Variants in IQSEC1 observed in about 807,000 individuals in gnomAD.
The protein encoded by IQSEC1 is IQ motif and SEC7 domain-containing protein 1.
A neutral mutation model predicts 91.0 loss-of-function variants in IQSEC1; 31 were observed. That is an observed-to-expected ratio of 0.34 (90% CI 0.26 to 0.46). IQSEC1 has a LOEUF of 0.46. Among genes scored for constraint, IQSEC1 ranks in the 20% least tolerant of loss-of-function variants. The pLI is 1.00. For missense variants in IQSEC1, 1,388 were observed against 1,575.6 expected, an observed-to-expected ratio of 0.88 and a Z score of 2.02; for synonymous variants, 699 against 662.6, an observed-to-expected ratio of 1.05 and a Z score of -0.84.
At chr3:13,053,238 C>T in intron 1 of IQSEC1, 1 of 603,522 alleles carries the variant, frequency 1.7e-6, no homozygotes, top group Non-Finnish European at 3.0e-6. Context: ...CTTCCATGAG[C>T]TTCTCTGCCA....
intron 2 of IQSEC1, among the ~76,000 whole-genome samples, chr3:13,163,495 T>C (rs1207512802): frequency 6.9e-6 from 1 of 144,808 alleles, no homozygotes; most frequent in Non-Finnish European, 1.5e-5. Flanking sequence ...TGAGAACTGC[T>C]GGGCCTCAGG....
intron 1 of IQSEC1, chr3:13,053,048 C>T (rs530352340): frequency 9.5e-5 from 106 of 1,109,972 alleles, no homozygotes; most frequent in African/African-American, 8.4e-4. Flanking sequence ...TCCGAATCCA[C>T]GGGGGAATGG....
intron 2 of IQSEC1, among the ~76,000 whole-genome samples, chr3:13,152,019 A>C (rs1046465257): frequency 1.3e-5 from 2 of 152,220 alleles, no homozygotes; most frequent in African/African-American, 2.4e-5. Context: ...AGAGAGTTCT[A>C]TTCCTCATAA....
At chr3:13,018,108 G>A (rs558011013) in intron 1 of IQSEC1, among the ~76,000 whole-genome samples, 68 of 152,338 alleles carry the variant, frequency 4.5e-4, no homozygotes, top group African/African-American at 1.5e-3. Context: ...AGCGAGCACC[G>A]CAGGAAGGAT....
At chr3:13,227,609 G>C (rs1241597005) in intron 1 of IQSEC1, among the ~76,000 whole-genome samples, 5 of 152,044 alleles carry the variant, frequency 3.3e-5, no homozygotes, top group Non-Finnish European at 7.4e-5. Context: ...CTGAGCAGAG[G>C]AGGGACCAGG....
At chr3:13,253,438 T>C (rs2125119568) in intron 1 of IQSEC1, among the ~76,000 whole-genome samples, 1 of 152,298 alleles carries the variant, frequency 6.6e-6, no homozygotes, top group South Asian at 2.1e-4. Context: ...ATGGCGGGTA[T>C]TGAGTGGTGC....
chr3:12,986,798 A>C (rs1281313585), intron 1 of IQSEC1, among the ~76,000 whole-genome samples: 10 of 152,210 alleles, frequency 6.6e-5, no homozygotes, highest in African/African-American at 2.4e-4. Context: ...ATGTGAGCTC[A>C]TGTGTGCTCC....
chr3:13,260,138 A>T (rs1695356925), intron 1 of IQSEC1, among the ~76,000 whole-genome samples: 1 of 152,194 alleles, frequency 6.6e-6, no homozygotes, highest in African/African-American at 2.4e-5. Context: ...AAAGAGAGTG[A>T]GGGAGACAGA....
At chr3:12,925,893 C>T (rs1279823325) in intron 3 of IQSEC1, among the ~76,000 whole-genome samples, 1 of 152,240 alleles carries the variant, frequency 6.6e-6, no homozygotes, top group African/African-American at 2.4e-5. Context: ...GGCCCTGCCC[C>T]GCTGTGGCAC....
chr3:13,051,689 C>T (rs1019948600), intron 1 of IQSEC1, among the ~76,000 whole-genome samples: 1 of 152,202 alleles, frequency 6.6e-6, no homozygotes, highest in Non-Finnish European at 1.5e-5. Flanking sequence ...AACAGAAGCT[C>T]AGGCCTCAGG....
At chr3:13,024,812 G>T (rs1040030874) in intron 1 of IQSEC1, among the ~76,000 whole-genome samples, 1 of 152,034 alleles carries the variant, frequency 6.6e-6, no homozygotes, top group African/African-American at 2.4e-5. Flanking sequence ...CATCCTCGGG[G>T]GCTCATCCTT....
intron 3 of IQSEC1, among the ~76,000 whole-genome samples, chr3:12,933,998 C>T (rs1407523366): frequency 6.6e-6 from 1 of 152,212 alleles, no homozygotes; most frequent in African/African-American, 2.4e-5. Flanking sequence ...CCTGGTTATC[C>T]CAGCCTCCCC....
At chr3:13,112,678 C>T (rs2124869076) in intron 2 of IQSEC1, among the ~76,000 whole-genome samples, 1 of 152,368 alleles carries the variant, frequency 6.6e-6, no homozygotes, top group Non-Finnish European at 1.5e-5. Flanking sequence ...AGAGTGTGGG[C>T]TGCAGGGCCA....
intron 1 of IQSEC1, among the ~76,000 whole-genome samples, chr3:13,196,757 T>C (rs1231951526): frequency 2.9e-5 from 1 of 33,910 alleles, no homozygotes; most frequent in South Asian, 6.9e-4. Flanking sequence ...TGCGTGTGTG[T>C]GTGTGTGTGT....
At chr3:13,031,819 G>C (rs1703852071) in intron 1 of IQSEC1, among the ~76,000 whole-genome samples, 1 of 152,170 alleles carries the variant, frequency 6.6e-6, no homozygotes, top group East Asian at 1.9e-4. Context: ...GACAGGGAGG[G>C]CCTCTTTAAG....
At chr3:13,241,352 T>C (rs1192621372) in intron 1 of IQSEC1, among the ~76,000 whole-genome samples, 1 of 152,218 alleles carries the variant, frequency 6.6e-6, no homozygotes, top group East Asian at 1.9e-4. Flanking sequence ...CCTGCTGTTC[T>C]ACCTGAGCTG....
rs1238431326 is a variant in IQSEC1 at position 12,947,019 on chromosome 3, T to A, written c.24-5154A>T. ...CATACAACTGATCCCAGCTAGCATG[T>A]GAGATGGACTCTATTTGCCAAGGCC... On this transcript the variant is annotated intron_variant, in intron 1 of 13. Coordinates refer to ENST00000613206, the MANE Select transcript of IQSEC1 (RefSeq NM_001134382.3). Among the ~76,000 whole-genome samples the A allele has an allele frequency of 5.9e-5, 9 of 152,328 alleles. No homozygotes were observed. In the East Asian group the frequency reaches 1.7e-3, roughly 29 times the overall value.
intron 1 of IQSEC1, among the ~76,000 whole-genome samples, chr3:13,065,200 C>T (rs1472473681): frequency 6.6e-6 from 1 of 152,192 alleles, no homozygotes. Flanking sequence ...TGGCTCAAAT[C>T]CAGAAACCAC....
intron 1 of IQSEC1, among the ~76,000 whole-genome samples, chr3:13,060,204 G>C (rs1171354345): frequency 6.6e-6 from 1 of 152,226 alleles, no homozygotes; most frequent in African/African-American, 2.4e-5. Context: ...CACATAGCAG[G>C]TAAGGGCCAT....
Sources: allele counts gnomAD v4.1 joint callset (sites outside exome capture counted in the v4.1 genomes callset), GRCh38; gene constraint gnomAD v4.1.1; transcripts MANE v1.5; gene names NCBI Gene and HGNC (gene_info 2026-07-23, HGNC 2026-07-21).